Variants in ODAD2 observed in about 807,000 individuals in gnomAD.
ODAD2 encodes outer dynein arm-docking complex subunit 2.
ODAD2 carries 89 observed loss-of-function variants against 106.8 expected under a neutral mutation model. The ratio of observed to expected loss-of-function variants is 0.83; its 90% CI spans 0.70 to 0.99. The LOEUF is 0.99. Ranked by LOEUF, ODAD2 falls within the 50% of genes least tolerant of loss-of-function variation. ODAD2 has a pLI of 0.00. For missense variants in ODAD2, 1,168 were observed against 1,238.5 expected (o/e 0.94, Z 0.85); for synonymous variants, 404 against 436.2 (o/e 0.93, Z 0.92).
At chr10:27,953,995 A>T (rs1193410555) in intron 10 of ODAD2, among the ~76,000 whole-genome samples, 1 of 152,236 alleles carries the variant, frequency 6.6e-6, no homozygotes, top group Non-Finnish European at 1.5e-5. Context: ...CCAATGGACC[A>T]AAAAGGGACA....
At chr10:27,958,931 G>A (rs61842728) in intron 10 of ODAD2, 64,741 of 1,303,616 alleles carry the variant, frequency 0.05, 1,871 homozygotes, top group Non-Finnish European at 0.058. Context: ...TCTGCTTCCT[G>A]ATCCATCTTT....
rs1037689329 is a variant in ODAD2, at chr10:27,944,924, T to C, written c.1425A>G (p.Ser475=). 2 of 1,614,150 alleles carry C rather than the reference T, an allele frequency of 1.2e-6. No individual in the cohort carries two copies. The highest frequency in any genetic ancestry group is 8.5e-7 in the Non-Finnish European group (1 of 1,180,000). ...CTTGAGCTAAGCTGAAATCCCTCAT[T>C]GAACACAACGCAATCACTGTAGCTG... The part of the protein sequence containing the change: ...NQTATVIALC[S]MRDFSLAQET... The change falls in exon 11 of 20, where the codon TCA becomes TCG. Residue 475 remains serine (S), a synonymous_variant. Transcript: ENST00000305242.
chr10:27,994,617 G>A (rs879943227), intron 2 of ODAD2, among the ~76,000 whole-genome samples: 6 of 152,088 alleles, frequency 3.9e-5, no homozygotes, highest in Non-Finnish European at 7.4e-5. Context: ...GAAAGGCCAG[G>A]CATAAAGCAG....
chr10:27,953,284 T>C (rs1371006090), intron 10 of ODAD2, among the ~76,000 whole-genome samples: 2 of 152,190 alleles, frequency 1.3e-5, no homozygotes, highest in Non-Finnish European at 2.9e-5. Context: ...TAAATGAAAT[T>C]TTATACCCAT....
At chr10:27,941,595 A>ATTTTTT (rs1846439557) in intron 12 of ODAD2, among the ~76,000 whole-genome samples, 3 of 83,108 alleles carry the variant, frequency 3.6e-5, no homozygotes, top group South Asian at 4.9e-4. Flanking sequence ...GCCAGCATCC[A>ATTTTTT]GTTTTTTTTT....
At chr10:27,952,967 T>C (rs1847465426) in intron 10 of ODAD2, among the ~76,000 whole-genome samples, 1 of 152,228 alleles carries the variant, frequency 6.6e-6, no homozygotes, top group African/African-American at 2.4e-5. Context: ...TGTGCATATA[T>C]TGTTTTTCTC....
chr10:27,887,696 T>C (rs907277572), intron 17 of ODAD2, among the ~76,000 whole-genome samples: 4 of 151,928 alleles, frequency 2.6e-5, no homozygotes, highest in Non-Finnish European at 4.4e-5. Context: ...TTCACAAATA[T>C]GTGGAAATTA....
At chr10:27,827,379 C>CTATATATATATATATATATATATA (rs10580710) in intron 19 of ODAD2, among the ~76,000 whole-genome samples, 7 of 132,472 alleles carry the variant, frequency 5.3e-5, no homozygotes, top group African/African-American at 1.8e-4. Context: ...CACACACACA[C>CTATATATATATATATATATATATA]TATATATATA....
chr10:27,813,439 A>G (rs1393053024), intron 19 of ODAD2: 7 of 152,230 alleles, frequency 4.6e-5, no homozygotes, highest in Non-Finnish European at 1.5e-5. Flanking sequence ...TAGATTCTAA[A>G]TGCTTAAAGA....
intron 17 of ODAD2, among the ~76,000 whole-genome samples, chr10:27,895,041 G>GAA (rs367930896): frequency 0.046 from 6,236 of 136,260 alleles, 468 homozygotes; most frequent in African/African-American, 0.15. Context: ...TCATCGGTAC[G>GAA]AAAAAAAAAA....
At chr10:27,860,432 A>C (rs1839955880) in intron 19 of ODAD2, among the ~76,000 whole-genome samples, 193 bp downstream of exon 19, 1 of 152,168 alleles carries the variant, frequency 6.6e-6, no homozygotes, top group Non-Finnish European at 1.5e-5. Context: ...CAGCCTGGGC[A>C]ACACAGCGAG....
At chr10:27,849,817 G>A (rs1304806357) in intron 19 of ODAD2, among the ~76,000 whole-genome samples, 1 of 152,164 alleles carries the variant, frequency 6.6e-6, no homozygotes, top group African/African-American at 2.4e-5. Context: ...GGGCAGCATG[G>A]CCAAGTGCAG....
In ODAD2 at chr10:27,983,894, A is replaced by G. The variant is rs778698875; in HGVS notation, c.768T>C (p.Asp256=). 6.2e-7 allele frequency: 1 copy of G among 1,612,196 alleles called. No homozygotes were observed. The highest frequency in any genetic ancestry group is 1.1e-5 in the South Asian group (1 of 90,528). ...TGCAAGTAATGCACAGAGTCTCACC[A>G]TCGTGAGGTTTCACCAGCACATAAC... The part of the protein sequence containing the change: ...EICYVLVKPH[D]GETLCITCSA... The change falls in exon 6 of 20, where the codon GAT becomes GAC. Residue 256 remains aspartate (D), a synonymous_variant. Transcript: ENST00000305242.
chr10:27,903,575 T>G, intron 17 of ODAD2, among the ~76,000 whole-genome samples: 1 of 152,216 alleles, frequency 6.6e-6, no homozygotes. Context: ...AAAATCTCCT[T>G]AAGCTGATAA....
intron 4 of ODAD2, among the ~76,000 whole-genome samples, 154 bp downstream of exon 4, chr10:27,984,865 G>C: frequency 6.6e-6 from 1 of 151,514 alleles, no homozygotes; most frequent in African/African-American, 2.4e-5. Context: ...AATTTTTAAA[G>C]GTTCCTTTTT....
chr10:27,974,065 C>T (rs566280848), intron 7 of ODAD2, among the ~76,000 whole-genome samples: 2 of 152,298 alleles, frequency 1.3e-5, no homozygotes, highest in East Asian at 3.9e-4. Flanking sequence ...TGCTTGTTGG[C>T]CACATGTATG....
chr10:27,922,151 C>CT (rs1844838736), intron 16 of ODAD2, among the ~76,000 whole-genome samples: 1 of 85,810 alleles, frequency 1.2e-5, no homozygotes, highest in South Asian at 4.2e-4. Context: ...GAAACTCTGC[C>CT]TCAAAAAAAA....
At chr10:27,927,021 G>C (rs970101726) in intron 16 of ODAD2, among the ~76,000 whole-genome samples, 11 of 152,024 alleles carry the variant, frequency 7.2e-5, no homozygotes, top group Non-Finnish European at 2.9e-5. Flanking sequence ...TAGATCTGGT[G>C]GTGGGGCATA....
intron 19 of ODAD2, among the ~76,000 whole-genome samples, chr10:27,858,126 A>AT (rs1463308021): frequency 1.5e-4 from 23 of 151,962 alleles, no homozygotes; most frequent in Admixed American, 3.9e-4. Flanking sequence ...ATCTGGAATC[A>AT]TTTTTTTTAC....
Sources: allele counts gnomAD v4.1 joint callset (sites outside exome capture counted in the v4.1 genomes callset), GRCh38; gene constraint gnomAD v4.1.1; transcripts MANE v1.5; gene names NCBI Gene and HGNC (gene_info 2026-07-23, HGNC 2026-07-21).